ZNF248: variants seen among roughly 807,000 people sequenced by gnomAD.
The protein encoded by ZNF248 is zinc finger protein 248, also known as KRAB protein domain.
Under a neutral mutation model 44.3 loss-of-function variants are expected in ZNF248, and 20 were observed. That is an observed-to-expected ratio of 0.45 (90% CI 0.32 to 0.66). ZNF248 has a LOEUF of 0.66. Among genes scored for constraint, ZNF248 ranks in the 30% least tolerant of loss-of-function variants. ZNF248 has a pLI of 0.04. For missense variants in ZNF248, 654 were observed against 677.0 expected, an observed-to-expected ratio of 0.97 and a Z score of 0.38; for synonymous variants, 224 against 229.0, an observed-to-expected ratio of 0.98 and a Z score of 0.20.
At chr10:37,809,836 A>C (rs918602234) in intron 6 of ZNF248, among the ~76,000 whole-genome samples, 1 of 151,676 alleles carries the variant, frequency 6.6e-6, no homozygotes, top group Admixed American at 6.5e-5. Context: ...CAAATTTATA[A>C]ATTTTCCAGT....
chr10:37,781,726 G>A (rs1287200018), intron 6 of ZNF248, among the ~76,000 whole-genome samples: 1 of 152,208 alleles, frequency 6.6e-6, no homozygotes, highest in African/African-American at 2.4e-5. Context: ...ACTATAGTTT[G>A]TACATTGACC....
chr10:37,811,570 C>T lies in ZNF248; in HGVS notation c.330+21455G>A, dbSNP rs150946918. Among the ~76,000 whole-genome samples the T allele has an allele frequency of 3.4e-3, 522 of 151,384 alleles. 3 individuals carry two copies. The highest frequency in any genetic ancestry group is 0.01 in the Middle Eastern group (3 of 292). On this transcript the variant is annotated intron_variant, in intron 6 of 6. Transcript: ENST00000615949. ...AATTTCTAGGCCAGGCGCAGTGGCT[C>T]GTGCCTGTAATCCCAGCACTTTGGG... is the stretch of plus-strand genomic sequence containing the variant.
chr10:37,815,493 G>A (rs992816894), intron 6 of ZNF248, among the ~76,000 whole-genome samples: 3 of 151,870 alleles, frequency 2.0e-5, no homozygotes. Flanking sequence ...TCCAGAATTT[G>A]TTTTCTCTAT....
rs138021251 is a variant in ZNF248, at chr10:37,832,953, A to T, written c.402T>A (p.Asn134Lys). 2.9e-5 allele frequency: 46 copies of T among 1,613,620 alleles called. No individual in the cohort carries two copies. The highest frequency in any genetic ancestry group is 3.8e-5 in the Non-Finnish European group (45 of 1,179,764). Residue 134 changes from asparagine to lysine, a missense_variant, in exon 6 of 6, where the codon AAT (asparagine) becomes AAA (lysine). Coordinates refer to ENST00000395867, the MANE Select transcript of ZNF248 (RefSeq NM_021045.3). ...ATGAGTCACATATTTTATAGGGATA[A>T]TTTCTTAAAGAAACAGGGTCTGTGC... ...NLGTDPVSLR[N>K]YPYKICDSCE...
At chr10:37,772,243 C>A (rs2046278160), downstream of ZNF248, among the ~76,000 whole-genome samples, 1 of 148,306 alleles carries the variant, frequency 6.7e-6, no homozygotes, top group East Asian at 2.0e-4. Context: ...CCAGCCTAGG[C>A]AACAGAGTGA....
At chr10:37,808,320 C>T (rs1445371488) in intron 6 of ZNF248, among the ~76,000 whole-genome samples, 1 of 151,202 alleles carries the variant, frequency 6.6e-6, no homozygotes, top group South Asian at 2.1e-4. Context: ...CTCTGTCACC[C>T]AGGCTGGAGT....
At chr10:37,766,395 T>A in the ZNF248 span, among the ~76,000 whole-genome samples, 1 of 152,156 alleles carries the variant, frequency 6.6e-6, no homozygotes, top group African/African-American at 2.4e-5. Flanking sequence ...GGCCGGGTAC[T>A]CCTCTGAAAC....
intron 6 of ZNF248, chr10:37,791,537 C>T (rs770465103): frequency 6.6e-6 from 1 of 152,080 alleles, no homozygotes; most frequent in Non-Finnish European, 1.5e-5. Flanking sequence ...AGATTAGCTT[C>T]TGGCTTATCT....
At chr10:37,837,821 G>T in intron 4 of ZNF248, 109 bp from the exon 5 acceptor site, 2 of 1,361,534 alleles carry the variant, frequency 1.5e-6, no homozygotes, top group Non-Finnish European at 2.0e-6. Flanking sequence ...CAAAGAATGT[G>T]CACAAATGAA....
At chr10:37,790,708 CTAAA>C (rs149151524) in intron 6 of ZNF248, among the ~76,000 whole-genome samples, 22 of 147,698 alleles carry the variant, frequency 1.5e-4, no homozygotes, top group East Asian at 3.9e-4. Context: ...GGCTCCGTCT[CTAAA>C]TAAATAAATA....
chr10:37,819,975 G>A (rs1254764459), intron 6 of ZNF248: 7 of 769,870 alleles, frequency 9.1e-6, no homozygotes, highest in African/African-American at 5.1e-5. Flanking sequence ...ATCTCAAGCG[G>A]TCTTGCATGC....
chr10:37,829,534 A>C lies in ZNF248; in HGVS notation c.*2081T>G, dbSNP rs2055055479. On this transcript the variant is annotated 3_prime_UTR_variant, in exon 6 of 6. Transcript: ENST00000395867. The stretch of plus-strand genomic sequence containing the variant: ...TGTCAGCTGGAATGCCTTCAGCTCT[A>C]AGTATCAGACAGCCCTAAGACCAAA... 6 of 985,392 alleles carry C rather than the reference A, an allele frequency of 6.1e-6. No homozygotes were observed. Among genetic ancestry groups the C allele is most frequent in the Non-Finnish European group, 7.2e-6 (6 of 829,910 alleles). 61.0% of individuals were successfully genotyped at this position (985,392 alleles called of 1,614,324 possible).
At chr10:37,774,125 CCTT>C (rs2046399564), downstream of ZNF248, among the ~76,000 whole-genome samples, 1 of 152,146 alleles carries the variant, frequency 6.6e-6, no homozygotes, top group Admixed American at 6.5e-5. Flanking sequence ...CCATTTCCCT[CCTT>C]CTCTCCTGAC....
At chr10:37,812,315 T>TG (rs1003989029) in intron 6 of ZNF248, among the ~76,000 whole-genome samples, 8 of 151,342 alleles carry the variant, frequency 5.3e-5, no homozygotes, top group Non-Finnish European at 7.4e-5. Flanking sequence ...AAAGTGTCTT[T>TG]GGGAAAAAAA....
Position 37,831,144 on chromosome 10 carries a change from A to G in ZNF248, c.*471T>C, listed in dbSNP as rs1589611218. The G allele has an allele frequency of 6.8e-7, 1 of 1,479,298 alleles. No homozygotes were observed. The highest frequency in any genetic ancestry group is 1.8e-4 in the Middle Eastern group (1 of 5,418). The allele number at this position is 1,479,298 out of a possible 1,614,324, so 91.6% of individuals were successfully genotyped here. A position where few individuals can be genotyped will look rare whatever the true frequency, so the allele number is the denominator to read the frequency against. On this transcript the variant is annotated 3_prime_UTR_variant, in exon 6 of 6. Transcript: ENST00000395867. ...TAACAAATACCATAGTAGTTACTCA[A>G]TTAAGGGTACGTATCTTCTCCTTAT... is the stretch of plus-strand genomic sequence containing the variant.
the ZNF248 span, among the ~76,000 whole-genome samples, chr10:37,767,668 A>G: frequency 6.6e-6 from 1 of 152,214 alleles, no homozygotes; most frequent in African/African-American, 2.4e-5. Flanking sequence ...CACTGCAAAA[A>G]CATGCCAAAA....
the ZNF248 span, among the ~76,000 whole-genome samples, chr10:37,765,121 A>T: frequency 1.3e-5 from 2 of 151,326 alleles, no homozygotes; most frequent in Non-Finnish European, 2.9e-5. Context: ...TGCCCAGCTA[A>T]TTTTTTTTTA....
chr10:37,762,554 G>A, the ZNF248 span, among the ~76,000 whole-genome samples: 1 of 152,178 alleles, frequency 6.6e-6, no homozygotes, highest in African/African-American at 2.4e-5. Flanking sequence ...TGAACCATGA[G>A]CTAAGATTGG....
chr10:37,828,184 A>G (rs1481322768), downstream of ZNF248, among the ~76,000 whole-genome samples: 1 of 152,206 alleles, frequency 6.6e-6, no homozygotes, highest in Non-Finnish European at 1.5e-5. Context: ...GTTGGTTTAC[A>G]TGCATGTGTT....
Sources: gnomAD v4.1 joint callset for allele counts (sites outside exome capture counted in the v4.1 genomes callset) on GRCh38, gnomAD v4.1.1 for gene constraint, MANE v1.5 for transcripts, NCBI Gene and HGNC (gene_info 2026-07-23, HGNC 2026-07-21) for gene names.